Variants in ZDBF2 observed in about 807,000 individuals in gnomAD.
ZDBF2 encodes the protein zinc finger DBF-type containing 2, also known as DBF4-type zinc finger-containing protein 2.
ZDBF2 carries 6 observed loss-of-function variants against 9.4 expected under a neutral mutation model. The ratio of observed to expected loss-of-function variants is 0.64; its 90% CI spans 0.35 to 1.27. ZDBF2 has a LOEUF of 1.27. Among genes scored for constraint, ZDBF2 ranks in the 50% most tolerant of loss-of-function variants. The probability of loss-of-function intolerance (pLI) is 0.03; values close to 1 mark genes in which losing one functional copy is unlikely to be tolerated. For missense variants in ZDBF2, 2,697 were observed against 2,766.8 expected (o/e 0.97, Z 0.57); for synonymous variants, 905 against 946.3 (o/e 0.96, Z 0.80).
intron 4 of ZDBF2, among the ~76,000 whole-genome samples, chr2:206,303,803 TA>T (rs1692626612): frequency 6.6e-6 from 1 of 152,216 alleles, no homozygotes; most frequent in African/African-American, 2.4e-5. Context: ...CTATTTTACA[TA>T]AATGGTAGCT....
At position 206,307,630 on chromosome 2, in the gene ZDBF2, TAAATG is replaced by T; in HGVS notation, c.3103_3107del (p.Lys1035Ter). On this transcript the variant is annotated frameshift_variant, in exon 5 of 5. Coordinates refer to ENST00000374423, the MANE Select transcript of ZDBF2 (RefSeq NM_020923.3). LOFTEE classifies it low-confidence loss of function (END_TRUNC). ...AATATGTTCTAGAAAACAAGAATGATAAATGTAGTGGTTCTGAAATAATTTTGGAT... is the reference window on the plus strand; with the variant it reads ...AATATGTTCTAGAAAACAAGAATGATTAGTGGTTCTGAAATAATTTTGGAT... The T allele has an allele frequency of 6.2e-7, 1 of 1,612,420 alleles. No individual in the cohort carries two copies. Among genetic ancestry groups the T allele is most frequent in the Non-Finnish European group, 8.5e-7 (1 of 1,179,318 alleles).
chr2:206,297,319 A>G lies in ZDBF2; in HGVS notation c.134A>G (p.Glu45Gly). 6.2e-7 allele frequency: 1 copy of G among 1,613,666 alleles called. No individual in the cohort carries two copies. The change falls in exon 4 of 5, where the codon GAA (glutamate) becomes GGA (glycine). Residue 45 changes from glutamate to glycine, a missense_variant. Glu to Gly is a moderately conservative substitution (Grantham distance 98). This residue lies in a region of ZDBF2 where 910 missense variants were observed against 973.6 expected (regional missense o/e 0.93). Transcript: ENST00000374423. ...CAAATATGTACCAGTAGTTTGATGG[A>G]ACGTTTCTTACAGGATGTACTGCAG... ...RRQICTSSLM[E>G]RFLQDVLQHH...
At position 206,307,488 on chromosome 2, in the gene ZDBF2, A is replaced by C; in HGVS notation, c.2960A>C (p.Glu987Ala). The C allele has an allele frequency of 6.2e-7, 1 of 1,613,322 alleles. No homozygotes were observed. Among genetic ancestry groups the C allele is most frequent in the Non-Finnish European group, 8.5e-7 (1 of 1,179,594 alleles). Residue 987 changes from glutamate to alanine, a missense_variant, in exon 5 of 5, where the codon GAA becomes GCA. Physicochemically the swap from Glu to Ala is moderately radical, Grantham distance 107. Around this residue, in one of 3 missense-constraint regions of ZDBF2, gnomAD observed 1,783 missense variants for 1,776.5 expected, o/e 1.00. Coordinates refer to ENST00000374423, the MANE Select transcript of ZDBF2 (RefSeq NM_020923.3). ...ETWLQREKHA[E>A]FQGRSTEFSG... ...TGGCTTCAAAGAGAAAAGCACGCTG[A>C]ATTCCAAGGTAGAAGTACTGAATTC...
chr2:206,278,422 G>GGA (rs1691141651), intron 1 of ZDBF2, among the ~76,000 whole-genome samples: 1 of 152,086 alleles, frequency 6.6e-6, no homozygotes, highest in Non-Finnish European at 1.5e-5. Context: ...CCTTTGAGTA[G>GGA]GAGAGAATCA....
rs373010420 is a variant in ZDBF2, at chr2:206,309,002, C to A, written c.4474C>A (p.Gln1492Lys). The change falls in exon 5 of 5, where the codon CAA becomes AAA. Residue 1492 changes from glutamine (Q) to lysine (K), a missense_variant. Gln to Lys is a moderately conservative substitution (Grantham distance 53, BLOSUM62 1). This residue lies in a region of ZDBF2 where 1,783 missense variants were observed against 1,776.5 expected (regional missense o/e 1.00). Coordinates refer to ENST00000374423, the MANE Select transcript of ZDBF2 (RefSeq NM_020923.3). ...TGTTGTCATGGAAGAAAAGACCGATCAACCTAGTGATTCAGAAATGATGTA... is the reference window on the plus strand; with the variant it reads ...TGTTGTCATGGAAGAAAAGACCGATAAACCTAGTGATTCAGAAATGATGTA... ...EHVVMEEKTD[Q>K]PSDSEMMYDS... The A allele has an allele frequency of 6.2e-7, 1 of 1,613,810 alleles. No individual in the cohort carries two copies. Among genetic ancestry groups the A allele is most frequent in the South Asian group, 1.1e-5 (1 of 91,046 alleles).
intron 1 of ZDBF2, among the ~76,000 whole-genome samples, chr2:206,276,583 A>C (rs1282032951): frequency 6.6e-6 from 1 of 152,196 alleles, no homozygotes; most frequent in African/African-American, 2.4e-5. Context: ...GGAAGTGTCT[A>C]AGTCGTTAAG....
rs771835887 is a variant in ZDBF2, at chr2:206,311,184, C to A, written c.6656C>A (p.Pro2219Gln). ...EKQSIWIRTK[P>Q]SDIIRKYISK... is the part of the protein sequence containing the mutation. ...CAGTCAATTTGGATTCGGACCAAACCAAGTGATATCATTAGAAAGTATATT... is the reference window on the plus strand; with the variant it reads ...CAGTCAATTTGGATTCGGACCAAACAAAGTGATATCATTAGAAAGTATATT... Residue 2219 changes from proline to glutamine, a missense_variant, in exon 5 of 5, where the codon CCA becomes CAA. By Grantham distance (76) the Pro-to-Gln change is moderately conservative (BLOSUM62 -1). This residue lies in a region of ZDBF2 where 1,783 missense variants were observed against 1,776.5 expected (regional missense o/e 1.00). Transcript: ENST00000374423. The A allele has an allele frequency of 8.7e-6, 14 of 1,612,738 alleles. No homozygotes were observed. The Admixed American group carries it at 2.3e-4, about 27-fold the overall frequency.
At chr2:206,293,876 G>A (rs753828191) in intron 3 of ZDBF2, among the ~76,000 whole-genome samples, 3 of 152,034 alleles carry the variant, frequency 2.0e-5, no homozygotes, top group African/African-American at 2.4e-5. Context: ...TTATGACCCC[G>A]AAGTTTCACT....
Position 206,309,650 on chromosome 2 carries a change from T to C in ZDBF2, c.5122T>C (p.Ser1708Pro). Residue 1708 changes from serine (S) to proline (P), a missense_variant, in exon 5 of 5, where the codon TCT becomes CCT. This residue lies in a region of ZDBF2 where 1,783 missense variants were observed against 1,776.5 expected (regional missense o/e 1.00). Transcript: ENST00000374423. ...AGGTAAGAGCTGTCAGTCTAGTGCTTCTGCAGTGGATTTTGGTGCCTCTTC... is the reference window on the plus strand; with the variant it reads ...AGGTAAGAGCTGTCAGTCTAGTGCTCCTGCAGTGGATTTTGGTGCCTCTTC... ...LKGKSCQSSA[S>P]AVDFGASSKS... is the part of the protein sequence containing the mutation. The C allele has an allele frequency of 3.1e-6, 5 of 1,613,922 alleles. No individual in the cohort carries two copies. Among genetic ancestry groups the C allele is most frequent in the Non-Finnish European group, 4.2e-6 (5 of 1,179,880 alleles).
Position 206,311,471 on chromosome 2 carries a change from C to T in ZDBF2, c.6943C>T (p.Arg2315Ter), listed in dbSNP as rs780384604. ...RKKTDESYHGRQKGPSTPVRA... is the reference protein window; with the variant it reads ...RKKTDESYHG ...GAAGACTGATGAAAGCTACCATGGC[C>T]GACAGAAAGGTCCTTCTACACCTGT... Residue 2315 changes from arginine (R) to a stop codon, truncating the protein, a stop_gained, in exon 5 of 5, where the codon CGA becomes TGA. Transcript: ENST00000374423. LOFTEE classifies it low-confidence loss of function (END_TRUNC). 5.6e-6 allele frequency: 9 copies of T among 1,612,090 alleles called. No individual in the cohort carries two copies. Among genetic ancestry groups the T allele is most frequent in the East Asian group, 2.2e-5 (1 of 44,870 alleles).
At chr2:206,300,521 C>T (rs1390911389) in intron 4 of ZDBF2, among the ~76,000 whole-genome samples, 2 of 152,078 alleles carry the variant, frequency 1.3e-5, no homozygotes, top group Non-Finnish European at 2.9e-5. Context: ...ATCGATGTGC[C>T]CTTCTCAGTG....
At chr2:206,304,193 G>A (rs963756659) in intron 4 of ZDBF2, among the ~76,000 whole-genome samples, 1 of 152,148 alleles carries the variant, frequency 6.6e-6, no homozygotes, top group African/African-American at 2.4e-5. Flanking sequence ...TATGAACAAT[G>A]TATTAAAGTG....
Position 206,308,140 on chromosome 2 carries a change from T to C in ZDBF2, c.3612T>C (p.Asp1204=), listed in dbSNP as rs372971489. The C allele has an allele frequency of 6.2e-7, 1 of 1,613,974 alleles. No homozygotes were observed. Among genetic ancestry groups the C allele is most frequent in the East Asian group, 2.2e-5 (1 of 44,888 alleles). ...GTTCTGAAGTAAGTTTTGATTCTGATGACCCTCTTCAGTCAGTGGCTGACC... is the reference window on the plus strand; with the variant it reads ...GTTCTGAAGTAAGTTTTGATTCTGACGACCCTCTTCAGTCAGTGGCTGACC... The part of the protein sequence containing the change: ...CCGSEVSFDS[D]DPLQSVADRL... The change falls in exon 5 of 5, where the codon GAT becomes GAC. Residue 1204 remains aspartate, a synonymous_variant. Transcript: ENST00000374423.
At position 206,306,642 on chromosome 2, in the gene ZDBF2, C is replaced by T. The variant is rs1324241897; in HGVS notation, c.2114C>T (p.Ser705Phe). ...AAGAGTGTTCAGTCTAGCCGTTCTT[C>T]TCTGAGTTCTGATTCTCCGGCTTCT... The part of the protein sequence containing the change: ...ENKSVQSSRS[S>F]LSSDSPASLY... The change falls in exon 5 of 5, where the codon TCT becomes TTT. Residue 705 changes from serine (S) to phenylalanine (F), a missense_variant. Ser to Phe is a radical substitution (Grantham distance 155). Around this residue, in one of 3 missense-constraint regions of ZDBF2, gnomAD observed 910 missense variants for 973.6 expected, o/e 0.93. Coordinates refer to ENST00000374423, the MANE Select transcript of ZDBF2 (RefSeq NM_020923.3). The T allele has an allele frequency of 6.2e-7, 1 of 1,613,732 alleles. No homozygotes were observed. Among genetic ancestry groups the T allele is most frequent in the African/African-American group, 1.3e-5 (1 of 75,020 alleles).
At position 206,306,829 on chromosome 2, in the gene ZDBF2, G is replaced by C. The variant is rs757575598; in HGVS notation, c.2301G>C (p.Leu767=). The change falls in exon 5 of 5, where the codon CTG becomes CTC. Residue 767 remains leucine (L), a synonymous_variant. Transcript: ENST00000374423. ...TGTCAGTTACTGAGCAGTCTCATCTGGATGCTGAAGGAAAAGAACGGCACA... is the reference window on the plus strand; with the variant it reads ...TGTCAGTTACTGAGCAGTCTCATCTCGATGCTGAAGGAAAAGAACGGCACA... ...PLLSVTEQSH[L]DAEGKERHID... The C allele has an allele frequency of 6.2e-7, 1 of 1,613,734 alleles. No individual in the cohort carries two copies. Among genetic ancestry groups the C allele is most frequent in the Non-Finnish European group, 8.5e-7 (1 of 1,179,832 alleles).
chr2:206,275,147 G>C (rs548532578), intron 1 of ZDBF2, among the ~76,000 whole-genome samples: 1,715 of 152,278 alleles, frequency 0.011, 36 homozygotes, highest in African/African-American at 0.039. Context: ...GGCGGCTCCG[G>C]GCCGGGATCG....
chr2:206,310,250 G>C lies in ZDBF2; in HGVS notation c.5722G>C (p.Asp1908His), dbSNP rs757903870. ...TGTCTGTGGTATTTCAGATATTGAT[G>C]ACTTGTCAGTGGCCTTAGATAAACC... ...DIVCGISDID[D>H]LSVALDKPCH... Residue 1908 changes from aspartate to histidine, a missense_variant, in exon 5 of 5, where the codon GAC (aspartate) becomes CAC (histidine). Coordinates refer to ENST00000374423, the MANE Select transcript of ZDBF2 (RefSeq NM_020923.3). 6.2e-7 allele frequency: 1 copy of C among 1,613,854 alleles called. No homozygotes were observed. The highest frequency in any genetic ancestry group is 8.5e-7 in the Non-Finnish European group (1 of 1,179,908).
chr2:206,301,345 CAGATGTAAGG>C (rs1307173063), intron 4 of ZDBF2, among the ~76,000 whole-genome samples: 17 of 151,938 alleles, frequency 1.1e-4, no homozygotes. Flanking sequence ...TTGATTTAAT[CAGATGTAAGG>C]AGAATTTTTC....
intron 3 of ZDBF2, among the ~76,000 whole-genome samples, chr2:206,296,579 T>C (rs1692190855): frequency 6.6e-6 from 1 of 152,242 alleles, no homozygotes; most frequent in Admixed American, 6.5e-5. Flanking sequence ...GTTTCAGGCA[T>C]CCACTGGGGG....
Sources: allele counts gnomAD v4.1 joint callset (sites outside exome capture counted in the v4.1 genomes callset), GRCh38; gene constraint gnomAD v4.1.1; regional missense constraint gnomAD v4.1.1; transcripts MANE v1.5; gene names NCBI Gene and HGNC (gene_info 2026-07-23, HGNC 2026-07-21).